The following ATP2C2 variants were observed in gnomAD, a reference collection of about 807,000 sequenced individuals.
The protein encoded by ATP2C2 is calcium-transporting ATPase type 2C member 2.
Under a neutral mutation model 110.8 loss-of-function variants are expected in ATP2C2, and 171 were observed. The observed-to-expected ratio is 1.54, with a 90% CI of 1.36 to 1.75. The LOEUF (loss-of-function observed/expected upper bound fraction) is 1.75, where lower values mean the gene tolerates loss of function less well. ATP2C2 is among the 40% of genes most tolerant of loss of function. ATP2C2 has a pLI of 0.00. For missense variants in ATP2C2, 1,963 were observed against 1,235.0 expected, an observed-to-expected ratio of 1.59 and a Z score of -8.84; for synonymous variants, 804 against 508.4, an observed-to-expected ratio of 1.58 and a Z score of -7.82.
At chr16:84,382,872 G>T (rs1661754089) in intron 1 of ATP2C2, among the ~76,000 whole-genome samples, 1 of 150,422 alleles carries the variant, frequency 6.6e-6, no homozygotes, top group Admixed American at 6.6e-5. Context: ...TTCCAGCGTG[G>T]GCGACAGAGC....
At chr16:84,376,762 C>T (rs1910274002) in intron 1 of ATP2C2, among the ~76,000 whole-genome samples, 1 of 152,198 alleles carries the variant, frequency 6.6e-6, no homozygotes, top group Non-Finnish European at 1.5e-5. Flanking sequence ...TAAATTTCCA[C>T]ATACACATTC....
At chr16:84,426,355 C>T (rs914654963) in intron 11 of ATP2C2, among the ~76,000 whole-genome samples, 17 of 152,172 alleles carry the variant, frequency 1.1e-4, no homozygotes, top group African/African-American at 2.9e-4. Context: ...TCCACCCCAT[C>T]GTCCAATCTC....
intron 11 of ATP2C2, among the ~76,000 whole-genome samples, chr16:84,426,505 C>T (rs1028878398): frequency 2.0e-5 from 3 of 152,102 alleles, no homozygotes; most frequent in Non-Finnish European, 2.9e-5. Context: ...CCAGAGCCAG[C>T]CTGCCTCTGT....
At chr16:84,423,928 G>C (rs78493629) in intron 10 of ATP2C2, among the ~76,000 whole-genome samples, 2,679 of 152,290 alleles carry the variant, frequency 0.018, 78 homozygotes, top group African/African-American at 0.06. Flanking sequence ...AGATCTTAAG[G>C]CTTGACATCC....
At chr16:84,430,639 C>CAAAA (rs566290549) in intron 11 of ATP2C2, among the ~76,000 whole-genome samples, 13 of 123,572 alleles carry the variant, frequency 1.1e-4, no homozygotes, top group South Asian at 2.7e-4. Context: ...GACACCATCT[C>CAAAA]AAAAAAAAAA....
chr16:84,394,263 A>G (rs1345221136), intron 1 of ATP2C2, among the ~76,000 whole-genome samples: 1 of 152,124 alleles, frequency 6.6e-6, no homozygotes, highest in African/African-American at 2.4e-5. Flanking sequence ...AAACATTGTA[A>G]TGGGATCTAG....
Position 84,428,704 on chromosome 16 carries a change from G to GA in ATP2C2, c.986+2912dup, listed in dbSNP as rs138468430. On this transcript the variant is annotated intron_variant, in intron 11 of 26. Transcript: ENST00000262429. ...TAATAAGTTCATCTCTTCCCTTAAA[G>GA]AAAAAAAAATCCTGTAATGAGACAC... Among the ~76,000 whole-genome samples, 627 of 150,672 alleles carry GA rather than the reference G, an allele frequency of 4.2e-3. 9 individuals carry two copies. The highest frequency in any genetic ancestry group is 0.014 in the African/African-American group (574 of 41,056).
At chr16:84,419,238 A>AAAAAT (rs1555559558) in intron 7 of ATP2C2, among the ~76,000 whole-genome samples, 1 of 138,356 alleles carries the variant, frequency 7.2e-6, no homozygotes, top group African/African-American at 2.8e-5. Flanking sequence ...AAAAAAAAAA[A>AAAAAT]GTGCTACTGG....
At chr16:84,459,478 A>G (rs779390510) in intron 23 of ATP2C2, 92 bp downstream of exon 23, 2 of 1,597,336 alleles carry the variant, frequency 1.3e-6, no homozygotes, top group East Asian at 2.2e-5. Flanking sequence ...GGCTATAGGG[A>G]TGAACAAATA....
At chr16:84,434,627 C>A (rs1288867744) in intron 11 of ATP2C2, among the ~76,000 whole-genome samples, 4 of 151,666 alleles carry the variant, frequency 2.6e-5, no homozygotes, top group Non-Finnish European at 5.9e-5. Flanking sequence ...AAGTGATTCT[C>A]CTGCCTCAGC....
intron 3 of ATP2C2, chr16:84,406,760 C>G (rs1188331554): frequency 3.5e-6 from 2 of 565,420 alleles, no homozygotes; most frequent in African/African-American, 4.1e-5. Context: ...GAGACATGGG[C>G]TGTGAGGGAG....
chr16:84,450,826 A>C (rs1201395605), intron 17 of ATP2C2, among the ~76,000 whole-genome samples: 1 of 151,952 alleles, frequency 6.6e-6, no homozygotes, highest in Non-Finnish European at 1.5e-5. Flanking sequence ...AATTTTTCTT[A>C]ACCTCTGTAC....
At chr16:84,458,822 G>C (rs559390311) in intron 21 of ATP2C2, among the ~76,000 whole-genome samples, 2 of 152,298 alleles carry the variant, frequency 1.3e-5, no homozygotes, top group African/African-American at 4.8e-5. Flanking sequence ...GGCAGGGATG[G>C]GGCCCCCTGG....
At chr16:84,422,040 G>C (rs1352819613) in intron 7 of ATP2C2, among the ~76,000 whole-genome samples, 1 of 152,146 alleles carries the variant, frequency 6.6e-6, no homozygotes, top group African/African-American at 2.4e-5. Flanking sequence ...CATACAGATT[G>C]TACAGGCATC....
chr16:84,407,746 A>G (rs1314287869), intron 3 of ATP2C2, among the ~76,000 whole-genome samples: 2 of 152,144 alleles, frequency 1.3e-5, no homozygotes, highest in African/African-American at 4.8e-5. Flanking sequence ...GGCTGGGATT[A>G]CAGTGTGAGC....
intron 15 of ATP2C2, among the ~76,000 whole-genome samples, chr16:84,443,713 C>T (rs991324639): frequency 8.5e-5 from 13 of 152,204 alleles, no homozygotes; most frequent in African/African-American, 2.7e-4. Context: ...GGGCTCACTT[C>T]ACTGCCTTCT....
At chr16:84,389,384 C>G (rs7189201) in intron 1 of ATP2C2, among the ~76,000 whole-genome samples, 17 of 152,090 alleles carry the variant, frequency 1.1e-4, no homozygotes, top group African/African-American at 4.1e-4. Flanking sequence ...GTGACCACCA[C>G]GCGAGTTTTG....
At chr16:84,389,649 G>A (rs1971944) in intron 1 of ATP2C2, among the ~76,000 whole-genome samples, 28,495 of 151,410 alleles carry the variant, frequency 0.19, 2,838 homozygotes, top group Non-Finnish European at 0.22. Flanking sequence ...TCTGGTCACC[G>A]CTGTCACCCT....
At chr16:84,391,445 T>G (rs545677553) in intron 1 of ATP2C2, among the ~76,000 whole-genome samples, 2 of 152,324 alleles carry the variant, frequency 1.3e-5, no homozygotes, top group East Asian at 3.9e-4. Flanking sequence ...AATGCAACCT[T>G]ATTTGCAAAT....
Sources: gnomAD v4.1 joint callset for allele counts (sites outside exome capture counted in the v4.1 genomes callset) on GRCh38, gnomAD v4.1.1 for gene constraint, MANE v1.5 for transcripts, NCBI Gene and HGNC (gene_info 2026-07-23, HGNC 2026-07-21) for gene names.